ADAMTS12: variants seen among roughly 807,000 people sequenced by gnomAD.
ADAMTS12 encodes ADAM metallopeptidase with thrombospondin type 1 motif 12.
Under a neutral mutation model 167.8 loss-of-function variants are expected in ADAMTS12, and 118 were observed. The observed-to-expected ratio is 0.70, with a 90% CI of 0.61 to 0.82. ADAMTS12 has a LOEUF of 0.82. Among genes scored for constraint, ADAMTS12 ranks in the 40% least tolerant of loss-of-function variants. The pLI, the probability that ADAMTS12 is intolerant of heterozygous loss-of-function variation, is 0.00. For missense variants in ADAMTS12, 1,916 were observed against 1,998.8 expected (o/e 0.96, Z 0.79); for synonymous variants, 704 against 716.9 (o/e 0.98, Z 0.29).
chr5:33,789,727 T>C (rs1489574132), intron 2 of ADAMTS12, among the ~76,000 whole-genome samples: 1 of 152,198 alleles, frequency 6.6e-6, no homozygotes, highest in African/African-American at 2.4e-5. Flanking sequence ...TTTTCTTTAA[T>C]TTTGAAATTA....
In ADAMTS12 at chr5:33,565,841, C is replaced by T. The variant is rs1392232447; in HGVS notation, c.3973-4662G>A. Among the ~76,000 whole-genome samples, 4 of 152,080 alleles carry T rather than the reference C, an allele frequency of 2.6e-5. No individual in the cohort carries two copies. In the East Asian group the frequency reaches 5.8e-4, roughly 22 times the overall value. On this transcript the variant is annotated intron_variant, in intron 19 of 23. Transcript: ENST00000504830. Reference sequence around the variant, plus strand: ...GCTCAAACAGTAATCATAGTTGATGCGTACTTCATTTTGGCTTAATTTGCG... The same window carrying T: ...GCTCAAACAGTAATCATAGTTGATGTGTACTTCATTTTGGCTTAATTTGCG...
intron 2 of ADAMTS12, among the ~76,000 whole-genome samples, chr5:33,756,687 G>T (rs1208576278): frequency 6.6e-6 from 1 of 152,102 alleles, no homozygotes; most frequent in Non-Finnish European, 1.5e-5. Context: ...AATTCATGAA[G>T]ATTTTGCATA....
At chr5:33,727,621 C>T (rs1289180433) in intron 3 of ADAMTS12, among the ~76,000 whole-genome samples, 1 of 152,164 alleles carries the variant, frequency 6.6e-6, no homozygotes, top group Non-Finnish European at 1.5e-5. Context: ...TTTATTGTCA[C>T]ACTGGCCTTC....
chr5:33,699,829 A>G (rs1457143214), intron 3 of ADAMTS12, among the ~76,000 whole-genome samples: 1 of 152,236 alleles, frequency 6.6e-6, no homozygotes, highest in Non-Finnish European at 1.5e-5. Context: ...ACAAAGGACT[A>G]GTATCAAGAA....
At chr5:33,706,815 G>A (rs1235830320) in intron 3 of ADAMTS12, among the ~76,000 whole-genome samples, 1 of 152,086 alleles carries the variant, frequency 6.6e-6, no homozygotes, top group Non-Finnish European at 1.5e-5. Flanking sequence ...AAAATAATAA[G>A]AGCTACTTAT....
rs762243991 is a variant in ADAMTS12, at chr5:33,524,937, C to A, written c.*2251G>T. 2.0e-5 allele frequency: 3 copies of A among 152,306 alleles called. No homozygotes were observed. Among genetic ancestry groups the A allele is most frequent in the Admixed American group, 6.5e-5 (1 of 15,290 alleles). 9.4% of individuals were successfully genotyped at this position (152,306 alleles called of 1,614,324 possible). Reference sequence around the variant, plus strand: ...CACGTGGATTGTAAATAACGTGGTCCATTTTGTACACGGAGAAATTTGGCC... The same window carrying A: ...CACGTGGATTGTAAATAACGTGGTCAATTTTGTACACGGAGAAATTTGGCC... On this transcript the variant is annotated 3_prime_UTR_variant, in exon 24 of 24. Transcript: ENST00000504830.
At chr5:33,838,702 C>G (rs1462837372) in intron 2 of ADAMTS12, among the ~76,000 whole-genome samples, 4 of 151,356 alleles carry the variant, frequency 2.6e-5, no homozygotes, top group African/African-American at 7.3e-5. Context: ...AAGAAAGAAG[C>G]AGAAGTAACA....
intron 9 of ADAMTS12, among the ~76,000 whole-genome samples, chr5:33,644,028 A>G (rs1740571531): frequency 6.6e-6 from 1 of 152,222 alleles, no homozygotes; most frequent in African/African-American, 2.4e-5. Flanking sequence ...GGTTGGCAGG[A>G]TTCTCAGATG....
chr5:33,618,732 C>T (rs377038906), intron 14 of ADAMTS12, among the ~76,000 whole-genome samples: 29 of 152,316 alleles, frequency 1.9e-4, no homozygotes, highest in African/African-American at 6.3e-4. Context: ...CCCTGCCTTT[C>T]TCACATATTC....
intron 16 of ADAMTS12, among the ~76,000 whole-genome samples, chr5:33,602,428 T>C (rs533236661): frequency 1.3e-5 from 2 of 152,360 alleles, no homozygotes; most frequent in Admixed American, 1.3e-4. Flanking sequence ...TCAATTCCAA[T>C]AATTTAATTC....
chr5:33,558,299 T>C (rs1326078041), intron 20 of ADAMTS12, among the ~76,000 whole-genome samples: 1 of 152,168 alleles, frequency 6.6e-6, no homozygotes, highest in Non-Finnish European at 1.5e-5. Flanking sequence ...AGTAGTTAAA[T>C]AGCATCTTTG....
chr5:33,783,280 T>G (rs1449177415), intron 2 of ADAMTS12, among the ~76,000 whole-genome samples: 1 of 151,808 alleles, frequency 6.6e-6, no homozygotes, highest in Non-Finnish European at 1.5e-5. Context: ...GTTTCTAGCT[T>G]TAAATATTTG....
At chr5:33,645,944 T>C (rs1359774788) in intron 9 of ADAMTS12, among the ~76,000 whole-genome samples, 1 of 152,168 alleles carries the variant, frequency 6.6e-6, no homozygotes, top group Non-Finnish European at 1.5e-5. Context: ...ACCTAAAATA[T>C]AGTCTAATAA....
At chr5:33,618,533 C>T (rs1025947691) in intron 14 of ADAMTS12, among the ~76,000 whole-genome samples, 1 of 152,182 alleles carries the variant, frequency 6.6e-6, no homozygotes, top group Non-Finnish European at 1.5e-5. Context: ...GTAATCAGAA[C>T]CCTTCTGTTA....
intron 5 of ADAMTS12, among the ~76,000 whole-genome samples, chr5:33,680,871 G>C (rs953137544): frequency 1.3e-4 from 20 of 152,096 alleles, no homozygotes; most frequent in African/African-American, 4.8e-4. Context: ...TTATTGGTCT[G>C]GTTCCGCCAA....
intron 12 of ADAMTS12, among the ~76,000 whole-genome samples, chr5:33,632,242 AAAGT>A (rs1329457110): frequency 6.6e-6 from 1 of 152,134 alleles, no homozygotes; most frequent in African/African-American, 2.4e-5. Context: ...GGGGACTCCA[AAAGT>A]AAGGAGGGTG....
intron 2 of ADAMTS12, among the ~76,000 whole-genome samples, chr5:33,802,321 G>T (rs916257255): frequency 2.8e-4 from 42 of 152,306 alleles, no homozygotes; most frequent in African/African-American, 9.9e-4. Context: ...TTACTGTGTT[G>T]AACTCCAGCT....
chr5:33,845,023 T>C (rs1748892803), intron 2 of ADAMTS12, among the ~76,000 whole-genome samples: 1 of 152,160 alleles, frequency 6.6e-6, no homozygotes, highest in Admixed American at 6.5e-5. Context: ...AAACAGAAAG[T>C]GAAACCATAG....
intron 9 of ADAMTS12, among the ~76,000 whole-genome samples, chr5:33,644,334 G>A (rs924471348): frequency 3.3e-5 from 5 of 152,012 alleles, no homozygotes; most frequent in Non-Finnish European, 7.4e-5. Flanking sequence ...TATGAAAACC[G>A]AAGAAACTTT....
Sources: allele counts gnomAD v4.1 joint callset (sites outside exome capture counted in the v4.1 genomes callset), GRCh38; gene constraint gnomAD v4.1.1; transcripts MANE v1.5; gene names NCBI Gene and HGNC (gene_info 2026-07-23, HGNC 2026-07-21).